BMAL2: variants seen among roughly 807,000 people sequenced by gnomAD.
The protein encoded by BMAL2 is basic helix-loop-helix ARNT-like protein 2.
At chr12:27,333,155 A>T in the BMAL2 span, 1 of 1,200,524 alleles carries the variant, frequency 8.3e-7, no homozygotes, top group Non-Finnish European at 1.0e-6. Flanking sequence ...GCGGCGTCTG[A>T]CGCGCTGGGG....
chr12:27,376,827 C>T, the BMAL2 span, among the ~76,000 whole-genome samples: 13 of 151,726 alleles, frequency 8.6e-5, no homozygotes, highest in East Asian at 3.9e-4. Context: ...GGTGAAACCC[C>T]GTCTCTACTA....
At chr12:27,405,531 G>A in the BMAL2 span, among the ~76,000 whole-genome samples, 1 of 152,238 alleles carries the variant, frequency 6.6e-6, no homozygotes, top group Non-Finnish European at 1.5e-5. Flanking sequence ...ACCTGCAGCT[G>A]AGGGTCCTGA....
At chr12:27,339,656 G>A in the BMAL2 span, among the ~76,000 whole-genome samples, 3 of 147,826 alleles carry the variant, frequency 2.0e-5, no homozygotes, top group Non-Finnish European at 3.0e-5. Flanking sequence ...ACGGAGTCTC[G>A]CTCTGTCACC....
chr12:27,403,533 T>C, the BMAL2 span: 1 of 1,578,316 alleles, frequency 6.3e-7, no homozygotes, highest in South Asian at 1.1e-5. Flanking sequence ...AAATTCTGGA[T>C]TTACAGAGGT....
At chr12:27,336,947 CAA>C in the BMAL2 span, among the ~76,000 whole-genome samples, 1,034 of 73,778 alleles carry the variant, frequency 0.014, 5 homozygotes, top group African/African-American at 0.045. Context: ...GAGACTGTCT[CAA>C]AAAAAAAAAA....
the BMAL2 span, chr12:27,424,717 A>G: frequency 1.3e-5 from 2 of 152,226 alleles, no homozygotes; most frequent in Admixed American, 6.5e-5. Context: ...TTGGAGACTC[A>G]TACTTGCCCA....
the BMAL2 span, chr12:27,401,254 C>T: frequency 7.4e-6 from 12 of 1,612,328 alleles, no homozygotes; most frequent in Non-Finnish European, 1.0e-5. Context: ...ATTTTGAAAC[C>T]AGGGCAACAG....
At chr12:27,401,938 T>C in the BMAL2 span, among the ~76,000 whole-genome samples, 2 of 152,244 alleles carry the variant, frequency 1.3e-5, no homozygotes, top group East Asian at 3.8e-4. Flanking sequence ...ATTTTCTTCC[T>C]ACCCTCCATG....
chr12:27,369,233 G>A, the BMAL2 span, among the ~76,000 whole-genome samples: 1 of 152,192 alleles, frequency 6.6e-6, no homozygotes, highest in Non-Finnish European at 1.5e-5. Context: ...AAAATCCTGA[G>A]TTGGGAGTTG....
chr12:27,336,854 G>A, the BMAL2 span, among the ~76,000 whole-genome samples: 2 of 151,276 alleles, frequency 1.3e-5, no homozygotes, highest in East Asian at 3.9e-4. Context: ...GGAGGCTGAG[G>A]TGGGAGAATC....
At chr12:27,412,928 G>T in the BMAL2 span, among the ~76,000 whole-genome samples, 2 of 151,710 alleles carry the variant, frequency 1.3e-5, no homozygotes, top group Non-Finnish European at 2.9e-5. Context: ...CCACATAAGC[G>T]TTCAGCAGCT....
At chr12:27,349,942 G>A in the BMAL2 span, among the ~76,000 whole-genome samples, 1 of 152,224 alleles carries the variant, frequency 6.6e-6, no homozygotes, top group East Asian at 1.9e-4. Flanking sequence ...AGCTCCTCAT[G>A]TCGGGTGTGG....
the BMAL2 span, chr12:27,389,171 A>G: frequency 1.9e-6 from 3 of 1,555,876 alleles, no homozygotes; most frequent in East Asian, 4.5e-5. Flanking sequence ...TGTCTACCTT[A>G]TGAATAGGCT....
At chr12:27,418,093 A>C in the BMAL2 span, 4 of 1,609,392 alleles carry the variant, frequency 2.5e-6, no homozygotes, top group East Asian at 6.7e-5. Context: ...TTCAGATGTC[A>C]AATAAGGAGT....
the BMAL2 span, among the ~76,000 whole-genome samples, chr12:27,371,321 C>G: frequency 6.6e-6 from 1 of 152,120 alleles, no homozygotes. Flanking sequence ...GCATTCCAGC[C>G]TGGGTGACAA....
the BMAL2 span, chr12:27,402,789 G>C: frequency 5.1e-6 from 5 of 972,924 alleles, no homozygotes; most frequent in Non-Finnish European, 7.4e-6. Flanking sequence ...ATTAAAAGTA[G>C]TTCTGCAGGT....
the BMAL2 span, among the ~76,000 whole-genome samples, chr12:27,381,112 T>C: frequency 3.9e-5 from 6 of 152,220 alleles, no homozygotes; most frequent in African/African-American, 1.4e-4. Flanking sequence ...TAGTACCTTA[T>C]AATGCATCAC....
At chr12:27,415,717 C>T in the BMAL2 span, 1 of 610,852 alleles carries the variant, frequency 1.6e-6, no homozygotes, top group East Asian at 3.0e-5. Context: ...AGCCTGGCAC[C>T]TAGTAAGTCA....
chr12:27,348,446 C>G, the BMAL2 span, among the ~76,000 whole-genome samples: 1 of 151,614 alleles, frequency 6.6e-6, no homozygotes, highest in Non-Finnish European at 1.5e-5. Context: ...GAAGATTAAA[C>G]TTAACAGAAA....
Sources: allele counts gnomAD v4.1 joint callset (sites outside exome capture counted in the v4.1 genomes callset), GRCh38; gene constraint gnomAD v4.1.1; transcripts MANE v1.5; gene names NCBI Gene and HGNC (gene_info 2026-07-23, HGNC 2026-07-21).